RAB27B: variants seen among roughly 807,000 people sequenced by gnomAD.
RAB27B encodes the protein ras-related protein Rab-27B.
RAB27B carries 15 observed loss-of-function variants against 24.6 expected under a neutral mutation model. The observed-to-expected ratio is 0.61, with a 90% CI of 0.41 to 0.94. The LOEUF (loss-of-function observed/expected upper bound fraction) is 0.94. RAB27B is among the 40% of genes least tolerant of loss of function. The pLI is 0.00. For synonymous variants in RAB27B, 105 were observed against 92.5 expected (o/e 1.14, Z -0.78); for missense variants, 261 against 266.8 (o/e 0.98, Z 0.15).
At chr18:54,756,704 A>G (rs1485066470) in intron 2 of RAB27B, among the ~76,000 whole-genome samples, 1 of 152,152 alleles carries the variant, frequency 6.6e-6, no homozygotes, top group Non-Finnish European at 1.5e-5. Context: ...TTAGTACTGT[A>G]CCAGATATTT....
At chr18:54,771,695 A>ACATTCT (rs1908556907) in intron 2 of RAB27B, among the ~76,000 whole-genome samples, 2 of 151,902 alleles carry the variant, frequency 1.3e-5, no homozygotes, top group African/African-American at 4.8e-5. Context: ...GAACTCCTTC[A>ACATTCT]CATTCTCTTT....
intron 2 of RAB27B, among the ~76,000 whole-genome samples, chr18:54,726,144 A>G (rs1020494548): frequency 1.3e-5 from 2 of 151,542 alleles, no homozygotes; most frequent in Admixed American, 6.6e-5. Context: ...AAGTTGAATA[A>G]TAATTCAAGT....
intron 2 of RAB27B, among the ~76,000 whole-genome samples, chr18:54,744,119 T>C (rs940755239): frequency 1.2e-4 from 19 of 152,190 alleles, no homozygotes; most frequent in African/African-American, 4.6e-4. Context: ...ATGAAGAAGA[T>C]AGATTGATTT....
At chr18:54,720,738 C>T (rs1182546932) in intron 2 of RAB27B, among the ~76,000 whole-genome samples, 1 of 151,950 alleles carries the variant, frequency 6.6e-6, no homozygotes, top group Non-Finnish European at 1.5e-5. Flanking sequence ...CAATGGTAGA[C>T]CTGTGGGAGA....
At chr18:54,797,511 G>A (rs1279908469) in intron 2 of RAB27B, among the ~76,000 whole-genome samples, 1 of 152,114 alleles carries the variant, frequency 6.6e-6, no homozygotes, top group Non-Finnish European at 1.5e-5. Flanking sequence ...GTGAGACTCT[G>A]TCAAAATAAA....
chr18:54,756,347 T>A (rs1908005238), intron 2 of RAB27B, among the ~76,000 whole-genome samples: 1 of 152,214 alleles, frequency 6.6e-6, no homozygotes. Context: ...ATTTCCTTTC[T>A]ATTCCACATT....
At chr18:54,882,545 A>G (rs1912967650) in intron 3 of RAB27B, among the ~76,000 whole-genome samples, 1 of 152,186 alleles carries the variant, frequency 6.6e-6, no homozygotes, top group African/African-American at 2.4e-5. Context: ...CCCTTCGGGA[A>G]GTGTTATTTC....
At chr18:54,887,858 G>A (rs1031630403) in intron 4 of RAB27B, 137 bp from the exon 5 acceptor site, 1 of 919,626 alleles carries the variant, frequency 1.1e-6, no homozygotes, top group Non-Finnish European at 1.6e-6. Context: ...CTGGGAAGAG[G>A]AAGTAACTTG....
At chr18:54,826,914 G>A (rs183947898), upstream of RAB27B, among the ~76,000 whole-genome samples, 19 of 152,236 alleles carry the variant, frequency 1.2e-4, no homozygotes, top group Non-Finnish European at 2.4e-4. Flanking sequence ...GGAAATAATA[G>A]CTATTAGGAC....
At chr18:54,846,256 AAG>A (rs1346819133) in intron 1 of RAB27B, among the ~76,000 whole-genome samples, 1 of 152,200 alleles carries the variant, frequency 6.6e-6, no homozygotes, top group Admixed American at 6.5e-5. Context: ...TATATTATAT[AAG>A]ATATCTTTAA....
At chr18:54,847,942 A>G (rs1280638472) in intron 1 of RAB27B, among the ~76,000 whole-genome samples, 4 of 152,264 alleles carry the variant, frequency 2.6e-5, no homozygotes, top group African/African-American at 9.6e-5. Context: ...AGAATCACGC[A>G]GATTCAGACA....
chr18:54,833,670 A>C (rs1401235723), intron 1 of RAB27B, among the ~76,000 whole-genome samples: 2 of 152,254 alleles, frequency 1.3e-5, no homozygotes, highest in South Asian at 2.1e-4. Context: ...GACTAATGGC[A>C]GAAGTTGTCA....
At chr18:54,737,763 C>G (rs1025145012) in intron 2 of RAB27B, among the ~76,000 whole-genome samples, 3 of 152,120 alleles carry the variant, frequency 2.0e-5, no homozygotes, top group Admixed American at 1.3e-4. Flanking sequence ...TTTTTCACTT[C>G]AAATGGATGT....
intron 2 of RAB27B, among the ~76,000 whole-genome samples, chr18:54,801,016 T>G (rs951418250): frequency 4.9e-5 from 7 of 143,620 alleles, no homozygotes; most frequent in East Asian, 2.0e-4. Context: ...GTGTTTTTTT[T>G]TTTTTTTTTT....
intron 2 of RAB27B, among the ~76,000 whole-genome samples, chr18:54,792,588 T>C (rs1365011874): frequency 1.3e-5 from 2 of 152,218 alleles, no homozygotes; most frequent in Non-Finnish European, 1.5e-5. Flanking sequence ...ATAAATTGAA[T>C]AGACCCTGGT....
chr18:54,746,530 A>G (rs1910254367), intron 2 of RAB27B, among the ~76,000 whole-genome samples: 1 of 152,222 alleles, frequency 6.6e-6, no homozygotes, highest in South Asian at 2.1e-4. Flanking sequence ...GCTTGTAGAT[A>G]TAAGAATCTT....
intron 1 of RAB27B, among the ~76,000 whole-genome samples, chr18:54,857,894 C>A (rs1376155328): frequency 6.6e-6 from 1 of 152,318 alleles, no homozygotes; most frequent in East Asian, 1.9e-4. Flanking sequence ...AAATATAAAC[C>A]TATATACCAT....
intron 1 of RAB27B, among the ~76,000 whole-genome samples, chr18:54,866,959 A>C (rs1211208249): frequency 6.6e-6 from 1 of 152,148 alleles, no homozygotes; most frequent in African/African-American, 2.4e-5. Flanking sequence ...TTCATCCCCA[A>C]GTCACACAAG....
intron 2 of RAB27B, among the ~76,000 whole-genome samples, chr18:54,739,458 A>G (rs1833295): frequency 1.4e-4 from 18 of 128,512 alleles, no homozygotes; most frequent in Admixed American, 3.3e-4. Flanking sequence ...CTCCATCTCA[A>G]AAAAAAAAAA....
Sources: allele counts gnomAD v4.1 joint callset (sites outside exome capture counted in the v4.1 genomes callset), GRCh38; gene constraint gnomAD v4.1.1; transcripts MANE v1.5; gene names NCBI Gene and HGNC (gene_info 2026-07-23, HGNC 2026-07-21).